TEF: variants seen among roughly 807,000 people sequenced by gnomAD.
TEF encodes TEF transcription factor, PAR bZIP family member, also known as thyrotroph embryonic factor.
In TEF, 3 loss-of-function variants were observed where a neutral mutation model predicts 20.8. The observed-to-expected ratio is 0.14, with a 90% CI of 0.07 to 0.37. TEF has a LOEUF of 0.37. Ranked by LOEUF, TEF falls within the 10% of genes least tolerant of loss-of-function variation. The pLI is 1.00. For synonymous variants in TEF, 180 were observed against 171.1 expected, an observed-to-expected ratio of 1.05 and a Z score of -0.41; for missense variants, 296 against 397.9, an observed-to-expected ratio of 0.74 and a Z score of 2.18.
At chr22:41,376,473 C>A (rs2036943312) in intron 1 of TEF, among the ~76,000 whole-genome samples, 2 of 152,210 alleles carry the variant, frequency 1.3e-5, no homozygotes, top group Non-Finnish European at 2.9e-5. Context: ...AGTGAGCCAT[C>A]CGCCTCGGCC....
At chr22:41,378,696 T>C (rs896157346), upstream of TEF, among the ~76,000 whole-genome samples, 2 of 151,904 alleles carry the variant, frequency 1.3e-5, no homozygotes, top group African/African-American at 4.8e-5. Flanking sequence ...GGTCTCGAAC[T>C]CCTGACCTCA....
intron 2 of TEF, among the ~76,000 whole-genome samples, chr22:41,393,437 C>T (rs937893565): frequency 2.0e-5 from 3 of 151,672 alleles, no homozygotes; most frequent in Non-Finnish European, 4.4e-5. Flanking sequence ...ATCTTGAAAT[C>T]ACAGGAAGTT....
At chr22:41,392,965 G>T (rs2037185654) in intron 2 of TEF, among the ~76,000 whole-genome samples, 1 of 151,968 alleles carries the variant, frequency 6.6e-6, no homozygotes, top group Non-Finnish European at 1.5e-5. Context: ...AACCCGGGAA[G>T]TGGAGGCTGC....
chr22:41,388,179 G>T (rs1421567905), intron 2 of TEF, among the ~76,000 whole-genome samples: 2 of 151,410 alleles, frequency 1.3e-5, no homozygotes, highest in Non-Finnish European at 2.9e-5. Context: ...TTATTTTTTA[G>T]TAGAGACAGA....
intron 2 of TEF, among the ~76,000 whole-genome samples, chr22:41,389,122 C>T (rs949449612): frequency 8.5e-5 from 13 of 152,112 alleles, no homozygotes; most frequent in South Asian, 2.1e-4. Context: ...TTTTACAGGC[C>T]GGGCGCAGTG....
At chr22:41,395,689 A>T in intron 3 of TEF, 56 bp from the exon 4 acceptor site, 1 of 1,576,314 alleles carries the variant, frequency 6.3e-7, no homozygotes, top group South Asian at 1.1e-5. Flanking sequence ...GGAGTGGAAA[A>T]ATTGGGTTCT....
At chr22:41,367,477 G>A in exon 1 of TEF, 3 of 1,526,506 alleles carry the variant, frequency 2.0e-6, no homozygotes, top group Non-Finnish European at 8.9e-7. Context: ...ACTCCCTGGA[G>A]CAAGCACCTC....
upstream of TEF, among the ~76,000 whole-genome samples, chr22:41,379,921 G>GA (rs1477633960): frequency 7.6e-6 from 1 of 131,662 alleles, no homozygotes; most frequent in Non-Finnish European, 1.6e-5. Flanking sequence ...AAAAAGAAAA[G>GA]AAAAGAAAAG....
chr22:41,367,981 G>A (rs1246491637), intron 1 of TEF, among the ~76,000 whole-genome samples: 1 of 152,140 alleles, frequency 6.6e-6, no homozygotes, highest in Non-Finnish European at 1.5e-5. Flanking sequence ...TGTGGATTTG[G>A]GCAGCAGGAG....
intron 2 of TEF, among the ~76,000 whole-genome samples, chr22:41,392,763 G>A (rs531528262): frequency 3.8e-4 from 57 of 151,448 alleles, no homozygotes; most frequent in Admixed American, 6.6e-4. Flanking sequence ...CGGGCTGGAC[G>A]TGGTGGCTCA....
intron 1 of TEF, chr22:41,382,832 G>T (rs532261393): frequency 1.5e-5 from 7 of 465,272 alleles, no homozygotes; most frequent in Admixed American, 4.7e-5. Context: ...GGGAGTTTTG[G>T]GCCAAGCAGA....
intron 1 of TEF, among the ~76,000 whole-genome samples, chr22:41,386,895 A>G (rs1430992876): frequency 6.6e-6 from 1 of 150,618 alleles, no homozygotes; most frequent in Non-Finnish European, 1.5e-5. Context: ...AATACAAAAA[A>G]TAGCTGGGCA....
At chr22:41,395,483 G>C (rs1242978492) in intron 3 of TEF, among the ~76,000 whole-genome samples, 3 of 152,136 alleles carry the variant, frequency 2.0e-5, no homozygotes, top group African/African-American at 7.2e-5. Flanking sequence ...CTTTGTGCTG[G>C]AGCAGCAGGT....
intron 2 of TEF, among the ~76,000 whole-genome samples, chr22:41,390,481 G>A (rs989685467): frequency 1.4e-5 from 2 of 146,402 alleles, no homozygotes; most frequent in African/African-American, 5.0e-5. Context: ...GTCATTTTAA[G>A]GTCTCATTGT....
intron 2 of TEF, among the ~76,000 whole-genome samples, chr22:41,392,398 G>A (rs1279966971): frequency 6.6e-6 from 1 of 151,990 alleles, no homozygotes; most frequent in Non-Finnish European, 1.5e-5. Flanking sequence ...AAATGGGGCC[G>A]GGCGCAGTGG....
chr22:41,396,010 C>A lies in TEF; in HGVS notation c.*50C>A. The A allele has an allele frequency of 1.9e-6, 3 of 1,572,282 alleles. No individual in the cohort carries two copies. Among genetic ancestry groups the A allele is most frequent in the Non-Finnish European group, 2.6e-6 (3 of 1,151,476 alleles). On this transcript the variant is annotated 3_prime_UTR_variant, in exon 4 of 4. Coordinates refer to ENST00000266304, the MANE Select transcript of TEF (RefSeq NM_003216.4). ...TACTGCCTGCACCTCAGACCTCTGC[C>A]TGGGGGCTCCCTGTAACCCCTCACA...
intron 1 of TEF, among the ~76,000 whole-genome samples, chr22:41,373,244 G>A (rs1177894473): frequency 6.6e-6 from 1 of 152,122 alleles, no homozygotes; most frequent in Non-Finnish European, 1.5e-5. Flanking sequence ...CGGACACCAC[G>A]GTACAGAGAA....
At chr22:41,395,692 T>C (rs1162101917) in intron 3 of TEF, 53 bp from the exon 4 acceptor site, 8 of 1,579,878 alleles carry the variant, frequency 5.1e-6, no homozygotes, top group Admixed American at 3.4e-5. Flanking sequence ...GTGGAAAAAT[T>C]GGGTTCTCTC....
chr22:41,381,562 G>C (rs1367420904), upstream of TEF, among the ~76,000 whole-genome samples: 1 of 152,244 alleles, frequency 6.6e-6, no homozygotes, highest in Admixed American at 6.5e-5. Flanking sequence ...GCAAGTCGGG[G>C]ACAAGAGGGA....
Sources: allele counts gnomAD v4.1 joint callset (sites outside exome capture counted in the v4.1 genomes callset), GRCh38; gene constraint gnomAD v4.1.1; transcripts MANE v1.5; gene names NCBI Gene and HGNC (gene_info 2026-07-23, HGNC 2026-07-21).